The following FGF14 variants were observed in gnomAD, a reference collection of about 807,000 sequenced individuals.
FGF14 encodes the protein fibroblast growth factor 14, also known as fibroblast growth factor homologous factor 4.
In FGF14, 5 loss-of-function variants were observed where a neutral mutation model predicts 25.5. The observed-to-expected ratio is 0.20, with a 90% confidence interval of 0.10 to 0.41. The LOEUF (loss-of-function observed/expected upper bound fraction) is 0.41. Ranked by LOEUF, FGF14 falls within the 10% of genes least tolerant of loss-of-function variation. The probability of loss-of-function intolerance (pLI) is 1.00; values close to 1 mark genes in which losing one functional copy is unlikely to be tolerated. For missense variants in FGF14, 222 were observed against 320.1 expected, an observed-to-expected ratio of 0.69 and a Z score of 2.34; for synonymous variants, 138 against 118.3, an observed-to-expected ratio of 1.17 and a Z score of -1.08.
chr13:102,075,321 T>C (rs1366545223), intron 1 of FGF14, among the ~76,000 whole-genome samples: 1 of 152,178 alleles, frequency 6.6e-6, no homozygotes, highest in Non-Finnish European at 1.5e-5. Context: ...CTGCTTACAA[T>C]AGCTACAAAA....
chr13:102,091,711 T>C (rs1202664605), intron 1 of FGF14, among the ~76,000 whole-genome samples: 6 of 152,130 alleles, frequency 3.9e-5, no homozygotes, highest in African/African-American at 1.4e-4. Flanking sequence ...CGAAGTTTTT[T>C]GTTTTCCTTT....
chr13:102,124,442 A>G (rs1210459926), intron 1 of FGF14, among the ~76,000 whole-genome samples: 1 of 152,138 alleles, frequency 6.6e-6, no homozygotes, highest in East Asian at 1.9e-4. Flanking sequence ...CAAAAGTACA[A>G]GACAATGGAA....
intron 3 of FGF14, among the ~76,000 whole-genome samples, chr13:101,795,167 C>T (rs2040446997): frequency 6.6e-6 from 1 of 152,118 alleles, no homozygotes; most frequent in African/African-American, 2.4e-5. Flanking sequence ...AAAGCAGTCA[C>T]AGACAATATG....
intron 1 of FGF14, among the ~76,000 whole-genome samples, chr13:101,897,134 G>A (rs932047418): frequency 6.6e-6 from 1 of 152,156 alleles, no homozygotes; most frequent in Non-Finnish European, 1.5e-5. Flanking sequence ...AAAGGGTTCT[G>A]ATCCATAGAC....
chr13:102,107,972 T>G (rs761940897), intron 1 of FGF14, among the ~76,000 whole-genome samples: 1 of 152,202 alleles, frequency 6.6e-6, no homozygotes, highest in Non-Finnish European at 1.5e-5. Flanking sequence ...TGTAAAATAT[T>G]CTCATGGTTC....
chr13:101,791,281 C>T (rs769513165), intron 3 of FGF14, among the ~76,000 whole-genome samples: 7 of 152,042 alleles, frequency 4.6e-5, no homozygotes, highest in East Asian at 1.9e-4. Context: ...GAAATATAGG[C>T]GGCATGAATA....
intron 3 of FGF14, among the ~76,000 whole-genome samples, chr13:101,797,364 A>C (rs1182961715): frequency 6.6e-6 from 1 of 152,056 alleles, no homozygotes; most frequent in Non-Finnish European, 1.5e-5. Flanking sequence ...AAATGAAATG[A>C]CCAATTAATT....
chr13:101,938,798 T>G lies in FGF14; in HGVS notation c.209-63502A>C, dbSNP rs533383671. Among the ~76,000 whole-genome samples the G allele has an allele frequency of 9.7e-4, 147 of 152,222 alleles. 1 individual carries two copies. Among genetic ancestry groups the G allele is most frequent in the South Asian group, 1.2e-3 (6 of 4,832 alleles). ...AAACTTTGCTTTTCCCCCATAAGCT[T>G]CTTCAAATTCTTAGCTGGAATTAGG... is the stretch of plus-strand genomic sequence containing the variant. On this transcript the variant is annotated intron_variant, in intron 1 of 4. Coordinates refer to the FGF14 transcript ENST00000376131.
intron 1 of FGF14, among the ~76,000 whole-genome samples, chr13:102,374,898 C>T (rs2058002047): frequency 6.6e-6 from 1 of 151,506 alleles, no homozygotes. Flanking sequence ...CATTAAAATA[C>T]AGGCTTGCTA....
chr13:101,895,838 C>G (rs554667477), intron 1 of FGF14, among the ~76,000 whole-genome samples: 8 of 152,066 alleles, frequency 5.3e-5, no homozygotes, highest in African/African-American at 1.9e-4. Context: ...ATTTTTTTTA[C>G]GTAAGTACTT....
intron 3 of FGF14, among the ~76,000 whole-genome samples, chr13:101,860,046 C>T (rs1488478593): frequency 2.6e-5 from 4 of 151,922 alleles, no homozygotes; most frequent in Non-Finnish European, 1.5e-5. Context: ...CTTGTCATGC[C>T]CTTCAACTCA....
At chr13:102,241,504 T>A (rs1241221987) in intron 1 of FGF14, among the ~76,000 whole-genome samples, 1 of 152,132 alleles carries the variant, frequency 6.6e-6, no homozygotes, top group Non-Finnish European at 1.5e-5. Flanking sequence ...AGATGAAGAT[T>A]TCTTTGTTGA....
chr13:102,149,613 T>A (rs1480986398), intron 1 of FGF14, among the ~76,000 whole-genome samples: 1 of 152,170 alleles, frequency 6.6e-6, no homozygotes, highest in African/African-American at 2.4e-5. Flanking sequence ...TAAAGGAGAT[T>A]AGATGTGACA....
chr13:101,866,579 T>C (rs563666966), intron 3 of FGF14, among the ~76,000 whole-genome samples: 1 of 142,402 alleles, frequency 7.0e-6, no homozygotes, highest in Non-Finnish European at 1.5e-5. Context: ...ATCACTATTG[T>C]TATTGTATAG....
At chr13:102,170,501 G>A (rs987200256) in intron 1 of FGF14, among the ~76,000 whole-genome samples, 3 of 152,112 alleles carry the variant, frequency 2.0e-5, no homozygotes, top group African/African-American at 7.2e-5. Context: ...GAAGCACAGC[G>A]TGACATTTCT....
intron 1 of FGF14, among the ~76,000 whole-genome samples, chr13:102,153,343 T>G (rs1356823608): frequency 2.0e-5 from 3 of 152,222 alleles, no homozygotes; most frequent in Non-Finnish European, 4.4e-5. Flanking sequence ...ATCTAGAGAA[T>G]AACAGCATGT....
At chr13:102,046,992 T>C (rs191816400) in intron 1 of FGF14, among the ~76,000 whole-genome samples, 4 of 152,294 alleles carry the variant, frequency 2.6e-5, no homozygotes, top group Admixed American at 1.3e-4. Context: ...TGTTACATTT[T>C]AGCACAAAAT....
intron 1 of FGF14, among the ~76,000 whole-genome samples, chr13:102,257,691 T>C (rs537189273): frequency 3.3e-5 from 5 of 152,250 alleles, no homozygotes; most frequent in South Asian, 4.2e-4. Context: ...TGCCAATGTA[T>C]ATTTTTTCCA....
At chr13:102,206,500 A>C (rs2049932792) in intron 1 of FGF14, among the ~76,000 whole-genome samples, 4 of 152,010 alleles carry the variant, frequency 2.6e-5, no homozygotes, top group Admixed American at 2.6e-4. Context: ...AGCCAACATG[A>C]TGAAAACCTG....
Sources: allele counts gnomAD v4.1 joint callset (sites outside exome capture counted in the v4.1 genomes callset), GRCh38; gene constraint gnomAD v4.1.1; transcripts MANE v1.5; gene names NCBI Gene and HGNC (gene_info 2026-07-23, HGNC 2026-07-21).